NRXN3: variants seen among roughly 807,000 people sequenced by gnomAD.
The protein encoded by NRXN3 is neurexin III.
NRXN3 carries 32 observed loss-of-function variants against 137.6 expected under a neutral mutation model. The observed-to-expected ratio is 0.23, with a 90% confidence interval of 0.18 to 0.31. The LOEUF is 0.31. NRXN3 is among the 10% of genes least tolerant of loss of function. NRXN3 has a pLI of 1.00. For missense variants in NRXN3, 1,574 were observed against 2,062.5 expected, an observed-to-expected ratio of 0.76 and a Z score of 4.59; for synonymous variants, 798 against 784.5, an observed-to-expected ratio of 1.02 and a Z score of -0.29.
chr14:78,431,801 G>C (rs185021014), intron 4 of NRXN3, among the ~76,000 whole-genome samples: 1 of 152,032 alleles, frequency 6.6e-6, no homozygotes, highest in East Asian at 1.9e-4. Flanking sequence ...GCTTTCTATA[G>C]GCAGTTACTG....
chr14:78,881,924 A>C (rs2099130104), intron 10 of NRXN3, among the ~76,000 whole-genome samples: 1 of 151,578 alleles, frequency 6.6e-6, no homozygotes, highest in Non-Finnish European at 1.5e-5. Flanking sequence ...GAGGCCTAGG[A>C]GGGAAAAATG....
At chr14:78,872,107 A>G (rs1231588517) in intron 10 of NRXN3, among the ~76,000 whole-genome samples, 1 of 151,790 alleles carries the variant, frequency 6.6e-6, no homozygotes, top group African/African-American at 2.4e-5. Context: ...CAATGTGGTT[A>G]TGGTGCTATT....
chr14:79,794,395 C>CA (rs557529543), intron 19 of NRXN3, among the ~76,000 whole-genome samples: 38 of 150,056 alleles, frequency 2.5e-4, no homozygotes, highest in East Asian at 9.9e-4. Context: ...AACAAAAAAA[C>CA]AAAAAAAAAA....
chr14:78,271,777 C>T (rs2072786818), intron 2 of NRXN3, among the ~76,000 whole-genome samples: 1 of 152,208 alleles, frequency 6.6e-6, no homozygotes, highest in Non-Finnish European at 1.5e-5. Context: ...CAAAAGCAAA[C>T]AGCACCAGGG....
intron 6 of NRXN3, among the ~76,000 whole-genome samples, chr14:78,665,957 C>T (rs1393348760): frequency 6.6e-6 from 1 of 152,062 alleles, no homozygotes; most frequent in Non-Finnish European, 1.5e-5. Flanking sequence ...TTTCTTTATC[C>T]TCGAAAGTGA....
intron 19 of NRXN3, among the ~76,000 whole-genome samples, chr14:79,803,197 T>A (rs1458606056): frequency 6.6e-6 from 1 of 152,236 alleles, no homozygotes; most frequent in African/African-American, 2.4e-5. Flanking sequence ...AATGTGGTTT[T>A]TCCAGTTCTT....
chr14:78,782,735 C>T (rs191172321), intron 8 of NRXN3, among the ~76,000 whole-genome samples: 3 of 152,290 alleles, frequency 2.0e-5, no homozygotes, highest in Non-Finnish European at 4.4e-5. Context: ...CTTATTTCAC[C>T]AATGAGAAAC....
chr14:79,794,323 C>T (rs564446730), intron 19 of NRXN3, among the ~76,000 whole-genome samples: 1 of 152,060 alleles, frequency 6.6e-6, no homozygotes, highest in African/African-American at 2.4e-5. Flanking sequence ...AAGATGGTAC[C>T]GCTGCACTCC....
chr14:78,955,202 AT>A (rs2099394662), intron 10 of NRXN3, among the ~76,000 whole-genome samples: 1 of 152,148 alleles, frequency 6.6e-6, no homozygotes, highest in South Asian at 2.1e-4. Flanking sequence ...TGCATGTAGA[AT>A]AAAGAGGATA....
rs569606260 is a variant in NRXN3, at chr14:78,949,592, A to AT, written c.2276-7639dup. Among the ~76,000 whole-genome samples, 99 of 132,522 alleles carry AT rather than the reference A, an allele frequency of 7.5e-4. 1 individual carries two copies. The highest frequency in any genetic ancestry group is 3.7e-3 in the Middle Eastern group (1 of 270). 86.9% of individuals were successfully genotyped at this position (132,522 alleles called of 152,430 possible). A position where few individuals can be genotyped will look rare whatever the true frequency, so the allele number is the denominator to read the frequency against. On this transcript the variant is annotated intron_variant, in intron 10 of 20. Coordinates refer to ENST00000335750, the MANE Select transcript of NRXN3 (RefSeq NM_001330195.2). ...TCTACCTCAAAGGGCATAGAAGTGAATTTTTTTTTTTAAAAAAAAACTACA... is the reference window on the plus strand; with the variant it reads ...TCTACCTCAAAGGGCATAGAAGTGAATTTTTTTTTTTTAAAAAAAAACTACA...
chr14:79,351,316 A>T (rs2093196395), intron 15 of NRXN3, among the ~76,000 whole-genome samples: 1 of 152,188 alleles, frequency 6.6e-6, no homozygotes, highest in African/African-American at 2.4e-5. Context: ...TGGAATGTAT[A>T]ATCTTGGACA....
At chr14:78,470,838 G>A (rs1486324761) in intron 4 of NRXN3, among the ~76,000 whole-genome samples, 1 of 152,020 alleles carries the variant, frequency 6.6e-6, no homozygotes, top group African/African-American at 2.4e-5. Flanking sequence ...AACTGTCCTG[G>A]GGTACTGGAC....
chr14:78,595,357 A>G (rs564048501), intron 4 of NRXN3, among the ~76,000 whole-genome samples: 2 of 152,284 alleles, frequency 1.3e-5, no homozygotes, highest in South Asian at 4.1e-4. Context: ...CCACTCAGAG[A>G]GAAGCAGAGC....
At chr14:78,522,262 A>G (rs774950334) in intron 4 of NRXN3, among the ~76,000 whole-genome samples, 1 of 152,226 alleles carries the variant, frequency 6.6e-6, no homozygotes, top group Non-Finnish European at 1.5e-5. Context: ...GACAGATGAG[A>G]AAACTGAAAA....
intron 15 of NRXN3, among the ~76,000 whole-genome samples, chr14:79,361,209 A>G (rs1222946144): frequency 6.6e-6 from 1 of 152,176 alleles, no homozygotes; most frequent in Non-Finnish European, 1.5e-5. Flanking sequence ...ATAAACCATA[A>G]TGCATGCATG....
Position 78,532,150 on chromosome 14 carries a change from C to CAAA in NRXN3, c.758-112956_758-112954dup, listed in dbSNP as rs386381910. Among the ~76,000 whole-genome samples, 626 of 121,312 alleles carry CAAA rather than the reference C, an allele frequency of 5.2e-3. 7 individuals are homozygous for CAAA. The highest frequency in any genetic ancestry group is 0.017 in the African/African-American group (511 of 30,434). 79.6% of individuals were successfully genotyped at this position (121,312 alleles called of 152,430 possible). ...AGAAACCCCATCTTTACTAAAAATA[C>CAAA]AAAAAAAAAAAAAAAATAGCCAAGT... On this transcript the variant is annotated intron_variant, in intron 4 of 20. Transcript: ENST00000335750.
chr14:78,186,768 G>A (rs1222733680), intron 1 of NRXN3, among the ~76,000 whole-genome samples: 2 of 152,132 alleles, frequency 1.3e-5, no homozygotes, highest in African/African-American at 4.8e-5. Flanking sequence ...GCTGCAGTAG[G>A]GGAGATAAAA....
At position 78,947,369 on chromosome 14, in the gene NRXN3, G is replaced by A. The variant is rs575113015; in HGVS notation, c.2276-9873G>A. On this transcript the variant is annotated intron_variant, in intron 10 of 20. Transcript: ENST00000335750. ...CCATGGAGGTTGATCTGAAAATACC[G>A]TATTCCCAGAACTCTTTGTCTTGGG... Among the ~76,000 whole-genome samples, 233 of 152,242 alleles carry A rather than the reference G, an allele frequency of 1.5e-3. 5 individuals are homozygous for A. The highest frequency in any genetic ancestry group is 1.7e-3 in the Non-Finnish European group (119 of 68,004).
At chr14:78,764,486 A>T (rs1352680018) in intron 8 of NRXN3, among the ~76,000 whole-genome samples, 1 of 152,122 alleles carries the variant, frequency 6.6e-6, no homozygotes, top group African/African-American at 2.4e-5. Flanking sequence ...CTGCCCACCT[A>T]TCACACTCCA....
Sources: gnomAD v4.1 joint callset for allele counts (sites outside exome capture counted in the v4.1 genomes callset) on GRCh38, gnomAD v4.1.1 for gene constraint, MANE v1.5 for transcripts, NCBI Gene and HGNC (gene_info 2026-07-23, HGNC 2026-07-21) for gene names.